The following PCLO variants were observed in gnomAD, a reference collection of about 807,000 sequenced individuals.
The protein encoded by PCLO is piccolo presynaptic cytomatrix protein, also known as protein piccolo.
Under a neutral mutation model 427.5 loss-of-function variants are expected in PCLO, and 82 were observed. That is an observed-to-expected ratio of 0.19 (90% CI 0.16 to 0.23). The LOEUF is 0.23. Ranked by LOEUF, PCLO falls within the 10% of genes least tolerant of loss-of-function variation. The probability of loss-of-function intolerance (pLI) is 1.00; values close to 1 mark genes in which losing one functional copy is unlikely to be tolerated. For synonymous variants in PCLO, 2,357 were observed against 2,155.4 expected, an observed-to-expected ratio of 1.09 and a Z score of -2.59; for missense variants, 6,239 against 6,115.9, an observed-to-expected ratio of 1.02 and a Z score of -0.67.
At chr7:82,942,686 G>A (rs967209049) in intron 6 of PCLO, among the ~76,000 whole-genome samples, 1 of 151,776 alleles carries the variant, frequency 6.6e-6, no homozygotes, top group Non-Finnish European at 1.5e-5. Flanking sequence ...TTATTTTACT[G>A]ACATTTATTT....
chr7:82,973,964 C>T (rs1316377233), intron 3 of PCLO, among the ~76,000 whole-genome samples: 2 of 151,970 alleles, frequency 1.3e-5, no homozygotes, highest in South Asian at 2.1e-4. Flanking sequence ...TCTGAATTTT[C>T]GATGTTTTCA....
rs547605503 is a variant in PCLO, at chr7:83,086,541, T to A, written c.3300+47709A>T. ...TCTATATTAATACCTGACTGTTTTT[T>A]ATTTAAATGGCAAACAACCCATTTT... On this transcript the variant is annotated intron_variant, in intron 3 of 24. Coordinates refer to ENST00000333891, the MANE Select transcript of PCLO (RefSeq NM_033026.6). Among the ~76,000 whole-genome samples the A allele has an allele frequency of 2.4e-3, 367 of 152,324 alleles. 2 individuals carry two copies. Among genetic ancestry groups the A allele is most frequent in the African/African-American group, 8.5e-3 (352 of 41,568 alleles).
At chr7:82,779,179 T>C (rs186412000) in intron 22 of PCLO, among the ~76,000 whole-genome samples, 61 of 152,280 alleles carry the variant, frequency 4.0e-4, no homozygotes, top group African/African-American at 1.2e-3. Flanking sequence ...TCTTAGACTT[T>C]CTGCTGCTAT....
At chr7:83,054,354 G>A (rs1181002298) in intron 3 of PCLO, among the ~76,000 whole-genome samples, 1 of 151,974 alleles carries the variant, frequency 6.6e-6, no homozygotes, top group Non-Finnish European at 1.5e-5. Flanking sequence ...AGCCCTGAAA[G>A]ATAAATAGTT....
intron 3 of PCLO, among the ~76,000 whole-genome samples, chr7:82,995,470 TTGTGG>T (rs2115870658): frequency 6.6e-6 from 1 of 152,080 alleles, no homozygotes; most frequent in Non-Finnish European, 1.5e-5. Context: ...AAGTGCTGGA[TTGTGG>T]TTTGTCATGA....
At position 83,134,959 on chromosome 7, in the gene PCLO, G is replaced by C; in HGVS notation, c.2591C>G (p.Pro864Arg). Residue 864 changes from proline to arginine, a missense_variant, in exon 3 of 25, where the codon CCT becomes CGT. Pro to Arg is a moderately radical substitution (Grantham distance 103, BLOSUM62 -2). This residue lies in a region of PCLO where 4,677 missense variants were observed against 4,468.4 expected (regional missense o/e 1.05). Transcript: ENST00000333891. ...TGGCATTGGCTTGGCATCTGGTTTA[G>C]GACTCATTTTGGTTTGTGCTTTCTT... ...EPKKAQTKMS[P>R]KPDAKPMPKG... 6.2e-7 allele frequency: 1 copy of C among 1,611,816 alleles called. No homozygotes were observed. Among genetic ancestry groups the C allele is most frequent in the Non-Finnish European group, 8.5e-7 (1 of 1,179,086 alleles).
intron 3 of PCLO, among the ~76,000 whole-genome samples, chr7:83,131,019 T>G (rs1791558528): frequency 6.6e-6 from 1 of 152,226 alleles, no homozygotes; most frequent in African/African-American, 2.4e-5. Flanking sequence ...TGAGTAATTC[T>G]GACTCATTTT....
At chr7:82,799,533 A>G (rs1791297482) in intron 22 of PCLO, among the ~76,000 whole-genome samples, 1 of 152,168 alleles carries the variant, frequency 6.6e-6, no homozygotes, top group African/African-American at 2.4e-5. Context: ...CATGTAAAAT[A>G]TTGTGCTGGC....
At chr7:82,967,176 A>G (rs2115670866) in intron 3 of PCLO, among the ~76,000 whole-genome samples, 1 of 151,226 alleles carries the variant, frequency 6.6e-6, no homozygotes, top group African/African-American at 2.4e-5. Flanking sequence ...TTGCTGACTA[A>G]AACATTTTCT....
At chr7:82,893,419 G>A (rs1409565773) in intron 9 of PCLO, among the ~76,000 whole-genome samples, 2 of 151,958 alleles carry the variant, frequency 1.3e-5, no homozygotes, top group Non-Finnish European at 1.5e-5. Context: ...ACTGGGCCCT[G>A]TTGTGGGGTC....
intron 13 of PCLO, 128 bp downstream of exon 13, chr7:82,845,143 T>G: frequency 1.5e-6 from 1 of 683,796 alleles, no homozygotes; most frequent in Non-Finnish European, 2.5e-6. Flanking sequence ...TTTCTTGTTT[T>G]GATAGATCAT....
chr7:82,974,409 T>C (rs952294099), intron 3 of PCLO, among the ~76,000 whole-genome samples: 2 of 152,182 alleles, frequency 1.3e-5, no homozygotes, highest in African/African-American at 4.8e-5. Flanking sequence ...TTAGATTAAC[T>C]GATCATCTAC....
intron 2 of PCLO, among the ~76,000 whole-genome samples, chr7:83,142,797 A>G (rs764907487): frequency 6.6e-6 from 1 of 152,130 alleles, no homozygotes; most frequent in Non-Finnish European, 1.5e-5. Context: ...CGTCTCTACT[A>G]AAAATACAAA....
chr7:83,017,195 T>C (rs1256482725), intron 3 of PCLO, among the ~76,000 whole-genome samples: 1 of 152,076 alleles, frequency 6.6e-6, no homozygotes. Flanking sequence ...AGTAGGAAGA[T>C]CTGGAAATGA....
In PCLO at chr7:82,914,722, T is replaced by C. The variant is rs749856701; in HGVS notation, c.13264A>G (p.Met4422Val). ...RGYDRDIAFI[M>V]DDFQHAMSDS... Reference sequence around the variant, plus strand: ...GACATGGCATGTTGGAAGTCATCCATGATGAATGCTATGTCACGGTCATAG... The same window carrying C: ...GACATGGCATGTTGGAAGTCATCCACGATGAATGCTATGTCACGGTCATAG... The change falls in exon 7 of 25, where the codon ATG becomes GTG. Residue 4422 changes from methionine to valine, a missense_variant. Around this residue, in one of 5 missense-constraint regions of PCLO, gnomAD observed 877 missense variants for 925.5 expected, o/e 0.95. Transcript: ENST00000333891. The C allele has an allele frequency of 6.3e-5, 102 of 1,613,208 alleles. 2 individuals carry two copies. In the South Asian group the frequency reaches 1.1e-3, roughly 18 times the overall value.
chr7:82,861,665 G>T (rs2115916182), intron 10 of PCLO, among the ~76,000 whole-genome samples: 1 of 151,966 alleles, frequency 6.6e-6, no homozygotes, highest in East Asian at 1.9e-4. Context: ...TCAGCCAAGA[G>T]CTGCGGAATA....
intron 13 of PCLO, among the ~76,000 whole-genome samples, chr7:82,843,111 T>C (rs186499677): frequency 7.2e-5 from 11 of 152,268 alleles, no homozygotes; most frequent in East Asian, 5.8e-4. Flanking sequence ...CTCAGGTTCA[T>C]TGCAGCATTA....
chr7:82,806,606 T>C (rs1791462824), intron 20 of PCLO, among the ~76,000 whole-genome samples: 1 of 152,214 alleles, frequency 6.6e-6, no homozygotes. Flanking sequence ...AGTGTTTCCC[T>C]GATTTTGCTG....
Position 83,135,247 on chromosome 7 carries a change from G to C in PCLO, c.2303C>G (p.Ser768Cys). The C allele has an allele frequency of 6.2e-7, 1 of 1,613,884 alleles. No individual in the cohort carries two copies. Among genetic ancestry groups the C allele is most frequent in the Non-Finnish European group, 8.5e-7 (1 of 1,179,888 alleles). The change falls in exon 3 of 25, where the codon TCT becomes TGT. Residue 768 changes from serine to cysteine, a missense_variant. Transcript: ENST00000333891. The part of the protein sequence containing the change: ...KMVKPTTDLV[S>C]SSSATTKPDI... ...AGGTTTTGTTGTTGCTGATGATGAA[G>C]ATACAAGGTCAGTGGTTGGCTTTAC...
Sources: allele counts gnomAD v4.1 joint callset (sites outside exome capture counted in the v4.1 genomes callset), GRCh38; gene constraint gnomAD v4.1.1; regional missense constraint gnomAD v4.1.1; transcripts MANE v1.5; gene names NCBI Gene and HGNC (gene_info 2026-07-23, HGNC 2026-07-21).